The following RSPO2 variants were observed in gnomAD, a reference collection of about 807,000 sequenced individuals.
RSPO2 encodes the protein R-spondin 2.
A neutral mutation model predicts 30.9 loss-of-function variants in RSPO2; 14 were observed. That is an observed-to-expected ratio of 0.45 (90% CI 0.30 to 0.71). RSPO2 has a LOEUF of 0.71. RSPO2 is among the 30% of genes least tolerant of loss of function. The pLI is 0.08. For synonymous variants in RSPO2, 107 were observed against 96.4 expected (o/e 1.11, Z -0.64); for missense variants, 264 against 301.9 (o/e 0.87, Z 0.93).
intron 3 of RSPO2, among the ~76,000 whole-genome samples, chr8:107,979,244 A>T (rs183244494): frequency 6.6e-6 from 1 of 152,348 alleles, no homozygotes; most frequent in Non-Finnish European, 1.5e-5. Flanking sequence ...ATGTTTATTG[A>T]GGCACTATTC....
At chr8:107,944,715 G>A (rs1201282349) in intron 5 of RSPO2, among the ~76,000 whole-genome samples, 1 of 152,062 alleles carries the variant, frequency 6.6e-6, no homozygotes, top group Non-Finnish European at 1.5e-5. Flanking sequence ...CATCATCATG[G>A]GGAATTCACT....
intron 2 of RSPO2, among the ~76,000 whole-genome samples, chr8:107,993,058 G>T (rs1814900539): frequency 6.6e-6 from 1 of 151,410 alleles, no homozygotes; most frequent in Admixed American, 6.6e-5. Context: ...AGCATAGCAT[G>T]TAAAAAACAT....
chr8:107,970,752 T>C (rs1302167660), intron 3 of RSPO2, among the ~76,000 whole-genome samples: 1 of 152,254 alleles, frequency 6.6e-6, no homozygotes, highest in Non-Finnish European at 1.5e-5. Context: ...GGCACTGACT[T>C]TTGAACGAAG....
At position 107,900,052 on chromosome 8, in the gene RSPO2, G is replaced by A. The variant is rs1013285000; in HGVS notation, c.*1023C>T. 2.6e-5 allele frequency: 4 copies of A among 152,094 alleles called. No homozygotes were observed. Among genetic ancestry groups the A allele is most frequent in the African/African-American group, 7.3e-5 (3 of 41,342 alleles). The allele number at this position is 152,094 out of a possible 1,614,324, so 9.4% of individuals were successfully genotyped here. Reference sequence around the variant, plus strand: ...GAAAAAAATTGCAGTCAGAAATAATGTTTGTTTGGACAATTCTGTAGCTGG... The same window carrying A: ...GAAAAAAATTGCAGTCAGAAATAATATTTGTTTGGACAATTCTGTAGCTGG... On this transcript the variant is annotated 3_prime_UTR_variant, in exon 6 of 6. Coordinates refer to ENST00000276659, the MANE Select transcript of RSPO2 (RefSeq NM_178565.5).
intron 5 of RSPO2, among the ~76,000 whole-genome samples, chr8:107,934,922 G>A (rs1013409230): frequency 1.2e-4 from 18 of 152,004 alleles, no homozygotes; most frequent in African/African-American, 3.6e-4. Context: ...ATCTTCATAA[G>A]CTGAGGATGT....
At chr8:107,988,825 C>T (rs886194966) in intron 3 of RSPO2, among the ~76,000 whole-genome samples, 2 of 151,998 alleles carry the variant, frequency 1.3e-5, no homozygotes, top group Non-Finnish European at 2.9e-5. Context: ...ATGGGGTTTC[C>T]TCATGTTGGC....
At chr8:108,056,623 C>CAAAAAAAAAAAAAAAAAAAAA (rs56256415) in intron 2 of RSPO2, among the ~76,000 whole-genome samples, 1 of 71,840 alleles carries the variant, frequency 1.4e-5, no homozygotes, top group Non-Finnish European at 2.6e-5. Context: ...AGACCCGTCT[C>CAAAAAAAAAAAAAAAAAAAAA]AAAAAAAAAA....
intron 2 of RSPO2, among the ~76,000 whole-genome samples, chr8:108,040,074 T>G (rs533456799): frequency 6.5e-4 from 99 of 152,172 alleles, no homozygotes; most frequent in Admixed American, 2.6e-4. Context: ...TCTATGGTAC[T>G]TTGTTATAGT....
At chr8:108,028,449 C>T (rs1317032771) in intron 2 of RSPO2, among the ~76,000 whole-genome samples, 1 of 152,196 alleles carries the variant, frequency 6.6e-6, no homozygotes, top group Admixed American at 6.5e-5. Flanking sequence ...ACTTTCTCTT[C>T]ACTCCTGATC....
intron 5 of RSPO2, among the ~76,000 whole-genome samples, chr8:107,911,116 C>A (rs1175565286): frequency 6.6e-6 from 1 of 152,190 alleles, no homozygotes; most frequent in Non-Finnish European, 1.5e-5. Flanking sequence ...GGCTCCCCCA[C>A]GGCTTCTGGC....
intron 3 of RSPO2, among the ~76,000 whole-genome samples, chr8:107,987,870 GATC>G (rs1242866256): frequency 6.6e-6 from 1 of 152,070 alleles, no homozygotes; most frequent in African/African-American, 2.4e-5. Context: ...GTTAATGGGA[GATC>G]ATTAAATCAC....
intron 5 of RSPO2, among the ~76,000 whole-genome samples, chr8:107,941,005 T>C (rs972304800): frequency 1.6e-4 from 24 of 152,164 alleles, no homozygotes; most frequent in African/African-American, 5.8e-4. Context: ...GCAGTTTATA[T>C]ACCTTTTCAA....
At chr8:108,028,814 A>C (rs1202770122) in intron 2 of RSPO2, among the ~76,000 whole-genome samples, 1 of 152,188 alleles carries the variant, frequency 6.6e-6, no homozygotes, top group African/African-American at 2.4e-5. Context: ...AACTTGGGCA[A>C]GTGAGAGGAA....
At chr8:108,013,911 G>A (rs1212121453) in intron 2 of RSPO2, among the ~76,000 whole-genome samples, 1 of 152,108 alleles carries the variant, frequency 6.6e-6, no homozygotes, top group Non-Finnish European at 1.5e-5. Context: ...GAGTGAACAG[G>A]CAATCTACAG....
intron 5 of RSPO2, among the ~76,000 whole-genome samples, chr8:107,955,397 A>G (rs1464890677): frequency 6.6e-6 from 1 of 152,168 alleles, no homozygotes; most frequent in Non-Finnish European, 1.5e-5. Context: ...ATAACTCCAG[A>G]CCAGGACCCT....
chr8:107,983,778 G>A lies in RSPO2; in HGVS notation c.283+5278C>T, dbSNP rs180845072. 1.1e-3 allele frequency: 1,798 copies of A among 1,599,426 alleles called. 1 individual carries two copies. Among genetic ancestry groups the A allele is most frequent in the Admixed American group, 2.8e-3 (165 of 58,240 alleles). On this transcript the variant is annotated intron_variant, in intron 3 of 5. Coordinates refer to ENST00000276659, the MANE Select transcript of RSPO2 (RefSeq NM_178565.5). ...GGAGCTGGATGTAGATGCTGATTTTGTAGAAACATCAGAGTTATGGAGCTT... is the reference window on the plus strand; with the variant it reads ...GGAGCTGGATGTAGATGCTGATTTTATAGAAACATCAGAGTTATGGAGCTT...
intron 2 of RSPO2, among the ~76,000 whole-genome samples, chr8:108,053,639 T>A (rs983708096): frequency 6.6e-6 from 1 of 152,198 alleles, no homozygotes; most frequent in Non-Finnish European, 1.5e-5. Context: ...GGGAAGAAAT[T>A]TAATATTTTC....
intron 2 of RSPO2, among the ~76,000 whole-genome samples, chr8:108,032,218 G>A (rs1461438469): frequency 6.6e-6 from 1 of 152,156 alleles, no homozygotes; most frequent in Non-Finnish European, 1.5e-5. Context: ...AGGAAAGGAA[G>A]TTTCAGAAAA....
chr8:108,047,130 G>T (rs1010282002), intron 2 of RSPO2, among the ~76,000 whole-genome samples: 2 of 152,186 alleles, frequency 1.3e-5, no homozygotes, highest in African/African-American at 4.8e-5. Context: ...CTCCAAAGAT[G>T]CAGGACGAGC....
Sources: gnomAD v4.1 joint callset for allele counts (sites outside exome capture counted in the v4.1 genomes callset) on GRCh38, gnomAD v4.1.1 for gene constraint, MANE v1.5 for transcripts, NCBI Gene and HGNC (gene_info 2026-07-23, HGNC 2026-07-21) for gene names.